The following ASH1L variants were observed in gnomAD, a reference collection of about 807,000 sequenced individuals.
ASH1L encodes the protein histone-lysine N-methyltransferase ASH1L.
In ASH1L, 23 loss-of-function variants were observed where a neutral mutation model predicts 269.0. That is an observed-to-expected ratio of 0.09 (90% CI 0.06 to 0.12). ASH1L has a LOEUF of 0.12. Ranked by LOEUF, ASH1L falls within the 10% of genes least tolerant of loss-of-function variation. The pLI is 1.00. For missense variants in ASH1L, 2,912 were observed against 3,567.8 expected (o/e 0.82, Z 4.68); for synonymous variants, 1,187 against 1,253.5 (o/e 0.95, Z 1.12).
chr1:155,523,179 A>T (rs1022945612), intron 1 of ASH1L, among the ~76,000 whole-genome samples: 2 of 152,164 alleles, frequency 1.3e-5, no homozygotes, highest in Non-Finnish European at 2.9e-5. Flanking sequence ...ATGTGCCCTG[A>T]GACTTTTCAT....
intron 9 of ASH1L, 52 bp downstream of exon 9, chr1:155,378,451 C>G: frequency 6.2e-7 from 1 of 1,609,630 alleles, no homozygotes. Flanking sequence ...GTGCTAGGCT[C>G]AGAAGAACAT....
intron 17 of ASH1L, among the ~76,000 whole-genome samples, chr1:155,352,283 C>T (rs1041523604): frequency 5.8e-5 from 7 of 120,984 alleles, no homozygotes; most frequent in African/African-American, 2.3e-4. Flanking sequence ...GGCAACATAG[C>T]GAGACCTCCA....
chr1:155,474,339 A>G (rs1320465600), intron 3 of ASH1L, among the ~76,000 whole-genome samples: 1 of 152,120 alleles, frequency 6.6e-6, no homozygotes, highest in Non-Finnish European at 1.5e-5. Context: ...ACTAAGCCTG[A>G]GAACTAGATA....
chr1:155,475,074 A>G (rs1291367242), intron 3 of ASH1L, among the ~76,000 whole-genome samples: 1 of 152,150 alleles, frequency 6.6e-6, no homozygotes, highest in African/African-American at 2.4e-5. Context: ...ACCACGATGA[A>G]GCTTTTTTCA....
intron 2 of ASH1L, among the ~76,000 whole-genome samples, chr1:155,507,782 G>A (rs1667912125): frequency 6.6e-6 from 1 of 152,190 alleles, no homozygotes; most frequent in Non-Finnish European, 1.5e-5. Flanking sequence ...GCTGAGATGG[G>A]AGGATCACCT....
intron 2 of ASH1L, among the ~76,000 whole-genome samples, chr1:155,483,785 T>C (rs1004113765): frequency 6.6e-6 from 1 of 151,188 alleles, no homozygotes; most frequent in African/African-American, 2.4e-5. Context: ...AAGGTACATC[T>C]GTACAATGGA....
intron 1 of ASH1L, among the ~76,000 whole-genome samples, chr1:155,542,810 G>C (rs900548030): frequency 1.3e-5 from 2 of 150,968 alleles, no homozygotes; most frequent in Non-Finnish European, 2.9e-5. Context: ...CTCCTGAGTA[G>C]CTGGGATTAC....
At chr1:155,548,285 G>A (rs538424082) in intron 1 of ASH1L, among the ~76,000 whole-genome samples, 2 of 152,236 alleles carry the variant, frequency 1.3e-5, no homozygotes, top group South Asian at 4.2e-4. Context: ...ACTTTGGCAG[G>A]CCAAAGTGGG....
chr1:155,400,281 G>A (rs974006992), intron 6 of ASH1L, among the ~76,000 whole-genome samples: 1 of 151,152 alleles, frequency 6.6e-6, no homozygotes, highest in Non-Finnish European at 1.5e-5. Context: ...GTAGTGAGCC[G>A]AGATCGCATC....
chr1:155,530,496 C>T (rs1188904114), intron 1 of ASH1L, among the ~76,000 whole-genome samples: 1 of 151,546 alleles, frequency 6.6e-6, no homozygotes, highest in Non-Finnish European at 1.5e-5. Context: ...GAGGCCAAGG[C>T]AGGCAGATCA....
intron 2 of ASH1L, among the ~76,000 whole-genome samples, chr1:155,515,501 G>C (rs1668442600): frequency 6.6e-6 from 1 of 152,066 alleles, no homozygotes; most frequent in Non-Finnish European, 1.5e-5. Context: ...GATTAATAAA[G>C]ATGTGTTTGA....
intron 2 of ASH1L, among the ~76,000 whole-genome samples, chr1:155,507,555 G>A (rs2148810950): frequency 6.6e-6 from 1 of 151,948 alleles, no homozygotes; most frequent in South Asian, 2.1e-4. Context: ...TACGTAATCT[G>A]CTCATCATAA....
Position 155,521,018 on chromosome 1 carries a change from C to T in ASH1L, c.420+82G>A, listed in dbSNP as rs79053425. 868 of 1,388,338 alleles carry T rather than the reference C, an allele frequency of 6.3e-4. 2 individuals carry two copies. The African/African-American group carries it at 0.011, about 18-fold the overall frequency. The allele number at this position is 1,388,338 out of a possible 1,614,324, so 86.0% of individuals were successfully genotyped here. On this transcript the variant is annotated intron_variant, in intron 2 of 27. Transcript: ENST00000392403. Reference sequence around the variant, plus strand: ...ATAACATAGATTAAAATCAAACTCCCGGAAATACATATATAGGATAAAAAT... The same window carrying T: ...ATAACATAGATTAAAATCAAACTCCTGGAAATACATATATAGGATAAAAAT...
chr1:155,531,204 A>G (rs554810225), intron 1 of ASH1L, among the ~76,000 whole-genome samples: 1 of 149,156 alleles, frequency 6.7e-6, no homozygotes, highest in South Asian at 2.1e-4. Context: ...ACAATTTGGA[A>G]AAAAAAAAAA....
chr1:155,542,193 A>AGGGG (rs1670469999), intron 1 of ASH1L, among the ~76,000 whole-genome samples: 1 of 152,192 alleles, frequency 6.6e-6, no homozygotes, highest in Non-Finnish European at 1.5e-5. Context: ...TCTTTAGGGA[A>AGGGG]TTCTAAAATG....
chr1:155,362,895 T>C (rs1655088648), intron 12 of ASH1L, among the ~76,000 whole-genome samples: 2 of 152,222 alleles, frequency 1.3e-5, no homozygotes, highest in East Asian at 3.8e-4. Flanking sequence ...TTAGCTTAGA[T>C]ACTGCCCTAT....
chr1:155,411,586 A>AAT (rs368800129), intron 6 of ASH1L, among the ~76,000 whole-genome samples: 1,309 of 55,086 alleles, frequency 0.024, 95 homozygotes, highest in African/African-American at 0.085. Flanking sequence ...TAAATAAATA[A>AAT]ATATATATAT....
At chr1:155,453,572 G>T (rs141380234) in intron 4 of ASH1L, among the ~76,000 whole-genome samples, 2,094 of 152,246 alleles carry the variant, frequency 0.014, 22 homozygotes, top group Admixed American at 0.03. Context: ...AGCCAAGGCA[G>T]GTGGATCACC....
intron 5 of ASH1L, among the ~76,000 whole-genome samples, chr1:155,423,270 T>A (rs1660863267): frequency 6.9e-6 from 1 of 145,608 alleles, no homozygotes; most frequent in Non-Finnish European, 1.5e-5. Context: ...TTTAAGGCAA[T>A]CCTGCATCCA....
Sources: allele counts gnomAD v4.1 joint callset (sites outside exome capture counted in the v4.1 genomes callset), GRCh38; gene constraint gnomAD v4.1.1; transcripts MANE v1.5; gene names NCBI Gene and HGNC (gene_info 2026-07-23, HGNC 2026-07-21).